Variants in GRID2 observed in about 807,000 individuals in gnomAD.
GRID2 encodes glutamate ionotropic receptor delta type subunit 2.
Under a neutral mutation model 114.8 loss-of-function variants are expected in GRID2, and 33 were observed. That is an observed-to-expected ratio of 0.29 (90% CI 0.22 to 0.38). The LOEUF is 0.38. Among genes scored for constraint, GRID2 ranks in the 10% least tolerant of loss-of-function variants. GRID2 has a pLI of 1.00. For synonymous variants in GRID2, 505 were observed against 449.9 expected (o/e 1.12, Z -1.55); for missense variants, 1,184 against 1,257.7 (o/e 0.94, Z 0.89).
chr4:92,638,760 A>G (rs1731198309), intron 2 of GRID2, among the ~76,000 whole-genome samples: 1 of 150,662 alleles, frequency 6.6e-6, no homozygotes, highest in African/African-American at 2.4e-5. Context: ...TGTTATTTTT[A>G]ATAACAAATT....
chr4:93,405,391 T>C (rs1422723570), intron 9 of GRID2, among the ~76,000 whole-genome samples: 1 of 152,174 alleles, frequency 6.6e-6, no homozygotes, highest in East Asian at 1.9e-4. Flanking sequence ...ATGATAGCTG[T>C]TGCACAGACA....
intron 8 of GRID2, among the ~76,000 whole-genome samples, chr4:93,349,695 G>A (rs895526900): frequency 1.3e-5 from 2 of 152,028 alleles, no homozygotes; most frequent in African/African-American, 2.4e-5. Flanking sequence ...TTAATGTAAA[G>A]TCACATATTA....
chr4:92,545,171 A>G (rs754495968), intron 1 of GRID2, among the ~76,000 whole-genome samples: 2 of 151,846 alleles, frequency 1.3e-5, no homozygotes, highest in Non-Finnish European at 2.9e-5. Flanking sequence ...GAATGAAATG[A>G]AAACCTATTT....
chr4:92,803,342 A>G (rs1182249513), intron 2 of GRID2, among the ~76,000 whole-genome samples: 1 of 151,936 alleles, frequency 6.6e-6, no homozygotes, highest in East Asian at 1.9e-4. Flanking sequence ...TACAATGCAT[A>G]TTTTGTTTCA....
At chr4:93,440,360 C>T (rs550165330) in intron 10 of GRID2, among the ~76,000 whole-genome samples, 1 of 151,942 alleles carries the variant, frequency 6.6e-6, no homozygotes, top group East Asian at 2.0e-4. Context: ...GAGTAAAATA[C>T]GTAAAAAGAA....
intron 14 of GRID2, among the ~76,000 whole-genome samples, chr4:93,628,792 T>A (rs1232457372): frequency 2.7e-5 from 4 of 150,130 alleles, no homozygotes; most frequent in Non-Finnish European, 5.9e-5. Context: ...TGAGACATTG[T>A]TTCGCTCTTG....
At chr4:93,589,762 G>A (rs1327523987) in intron 13 of GRID2, among the ~76,000 whole-genome samples, 3 of 152,112 alleles carry the variant, frequency 2.0e-5, no homozygotes, top group Admixed American at 6.5e-5. Flanking sequence ...GTGTGAGATG[G>A]TATCTCCTTG....
At position 92,631,358 on chromosome 4, in the gene GRID2, G is replaced by C. The variant is rs80060738; in HGVS notation, c.244+41072G>C. On this transcript the variant is annotated intron_variant, in intron 2 of 15. Transcript: ENST00000282020. Reference sequence around the variant, plus strand: ...TTACTGAGCTCTAGGATTATCTATCGTTAGTCAGGACTTGAATGAAACCCT... The same window carrying C: ...TTACTGAGCTCTAGGATTATCTATCCTTAGTCAGGACTTGAATGAAACCCT... Among the ~76,000 whole-genome samples the C allele has an allele frequency of 1.6e-4, 24 of 152,114 alleles. No individual in the cohort carries two copies. In the South Asian group the frequency reaches 4.8e-3, roughly 30 times the overall value.
At chr4:93,018,811 T>G (rs1374518467) in intron 2 of GRID2, among the ~76,000 whole-genome samples, 1 of 152,104 alleles carries the variant, frequency 6.6e-6, no homozygotes, top group Admixed American at 6.6e-5. Flanking sequence ...ATCATATCAA[T>G]GAAAAGCTAA....
chr4:93,430,679 G>C (rs1308731760), intron 10 of GRID2, among the ~76,000 whole-genome samples: 2 of 152,244 alleles, frequency 1.3e-5, no homozygotes, highest in Non-Finnish European at 2.9e-5. Flanking sequence ...CCCTTGAAGA[G>C]ATCTTGTCTT....
At chr4:93,294,420 A>C (rs897976196) in intron 8 of GRID2, among the ~76,000 whole-genome samples, 1 of 152,196 alleles carries the variant, frequency 6.6e-6, no homozygotes, top group African/African-American at 2.4e-5. Flanking sequence ...GCCTATGGAG[A>C]ATAAATGATG....
intron 2 of GRID2, among the ~76,000 whole-genome samples, chr4:92,730,808 G>A (rs1399825066): frequency 1.3e-5 from 2 of 151,906 alleles, no homozygotes; most frequent in African/African-American, 4.8e-5. Flanking sequence ...AGTTAAATCA[G>A]AGCACAAAGC....
intron 8 of GRID2, among the ~76,000 whole-genome samples, chr4:93,270,358 G>A (rs1751315452): frequency 6.6e-6 from 1 of 151,902 alleles, no homozygotes; most frequent in African/African-American, 2.4e-5. Context: ...CTCTAAAATA[G>A]ATAAAATTCT....
intron 8 of GRID2, among the ~76,000 whole-genome samples, chr4:93,267,779 G>T (rs1180769897): frequency 1.3e-5 from 2 of 152,160 alleles, no homozygotes; most frequent in Non-Finnish European, 2.9e-5. Context: ...TTCAAGACAA[G>T]ATCACAAAAC....
intron 4 of GRID2, among the ~76,000 whole-genome samples, chr4:93,131,169 TG>T (rs1734767298): frequency 8.0e-6 from 1 of 124,240 alleles, no homozygotes; most frequent in Non-Finnish European, 1.7e-5. Flanking sequence ...TTTTTTTTTT[TG>T]GTGAGATGGA....
At chr4:93,141,252 A>G (rs372255294) in intron 4 of GRID2, among the ~76,000 whole-genome samples, 3 of 151,954 alleles carry the variant, frequency 2.0e-5, no homozygotes, top group East Asian at 3.9e-4. Flanking sequence ...CTGATTTTAG[A>G]TTTAAAATTA....
chr4:93,300,398 T>C (rs2149166124), intron 8 of GRID2, among the ~76,000 whole-genome samples: 1 of 152,304 alleles, frequency 6.6e-6, no homozygotes, highest in East Asian at 1.9e-4. Context: ...TTCAAGGACA[T>C]TCTTAAGTGA....
chr4:92,532,084 T>G (rs558896644), intron 1 of GRID2, among the ~76,000 whole-genome samples: 124 of 152,300 alleles, frequency 8.1e-4, no homozygotes, highest in Admixed American at 6.4e-3. Flanking sequence ...CTAGCATTTT[T>G]GGAATCCCAC....
intron 1 of GRID2, among the ~76,000 whole-genome samples, chr4:92,485,350 T>TATATATATA (rs1560663111): frequency 2.8e-5 from 2 of 72,684 alleles, no homozygotes; most frequent in African/African-American, 9.9e-5. Flanking sequence ...ATATATATAG[T>TATATATATA]GTGTGTGTGT....
Sources: allele counts gnomAD v4.1 joint callset (sites outside exome capture counted in the v4.1 genomes callset), GRCh38; gene constraint gnomAD v4.1.1; transcripts MANE v1.5; gene names NCBI Gene and HGNC (gene_info 2026-07-23, HGNC 2026-07-21).